The following F13A1 variants were observed in gnomAD, a reference collection of about 807,000 sequenced individuals.
F13A1 encodes the protein coagulation factor XIII A chain.
Under a neutral mutation model 80.1 loss-of-function variants are expected in F13A1, and 47 were observed. The ratio of observed to expected loss-of-function variants is 0.59; its 90% CI spans 0.46 to 0.75. The LOEUF is 0.75. F13A1 is among the 30% of genes least tolerant of loss of function. The pLI is 0.00. For synonymous variants in F13A1, 349 were observed against 344.9 expected (o/e 1.01, Z -0.13); for missense variants, 817 against 930.4 (o/e 0.88, Z 1.59).
At chr6:6,154,792 C>T (rs1012703365) in intron 13 of F13A1, among the ~76,000 whole-genome samples, 1 of 152,200 alleles carries the variant, frequency 6.6e-6, no homozygotes, top group African/African-American at 2.4e-5. Flanking sequence ...TCAAAAACAT[C>T]TTTGGATTTA....
intron 8 of F13A1, among the ~76,000 whole-genome samples, chr6:6,201,064 G>C (rs748716168): frequency 1.3e-5 from 2 of 152,106 alleles, no homozygotes; most frequent in Admixed American, 6.5e-5. Flanking sequence ...ACGACCCGAA[G>C]TGTTTAGTGA....
chr6:6,190,339 C>T (rs1385313762), intron 10 of F13A1, among the ~76,000 whole-genome samples: 1 of 152,134 alleles, frequency 6.6e-6, no homozygotes, highest in African/African-American at 2.4e-5. Flanking sequence ...TCTGTTTTTT[C>T]CCCATCCTTG....
At chr6:6,149,605 T>A (rs1760338072) in intron 14 of F13A1, among the ~76,000 whole-genome samples, 2 of 152,190 alleles carry the variant, frequency 1.3e-5, no homozygotes, top group Non-Finnish European at 2.9e-5. Flanking sequence ...AAGACAGCCA[T>A]CTGCAAGCTG....
intron 2 of F13A1, among the ~76,000 whole-genome samples, chr6:6,309,816 C>A (rs1005477830): frequency 1.3e-5 from 2 of 152,102 alleles, no homozygotes; most frequent in Non-Finnish European, 2.9e-5. Context: ...GTTTAGCCTG[C>A]ATGTAGGGGT....
intron 8 of F13A1, among the ~76,000 whole-genome samples, chr6:6,218,043 G>A (rs954627748): frequency 1.3e-5 from 2 of 152,160 alleles, no homozygotes; most frequent in African/African-American, 2.4e-5. Context: ...GTGGGTGGGT[G>A]CATTCCGGTG....
intron 4 of F13A1, among the ~76,000 whole-genome samples, chr6:6,264,511 A>G (rs1757818284): frequency 6.6e-6 from 1 of 152,174 alleles, no homozygotes; most frequent in African/African-American, 2.4e-5. Flanking sequence ...CTGGACTCCT[A>G]AATGATGGTG....
At position 6,176,874 on chromosome 6, in the gene F13A1, C is replaced by T. The variant is rs367658123; in HGVS notation, c.1460-2007G>A. Among the ~76,000 whole-genome samples the T allele has an allele frequency of 1.7e-4, 26 of 152,272 alleles. No homozygotes were observed. In the East Asian group the frequency reaches 4.8e-3, roughly 28 times the overall value. ...TGAATGGGAGAAGAAGCCTTGAAGC[C>T]AGCCACAAGCAACTTCACAGCCTGC... On this transcript the variant is annotated intron_variant, in intron 11 of 14. Coordinates refer to ENST00000264870, the MANE Select transcript of F13A1 (RefSeq NM_000129.4).
At chr6:6,165,078 GC>G (rs779393050) in intron 13 of F13A1, among the ~76,000 whole-genome samples, 1 of 152,176 alleles carries the variant, frequency 6.6e-6, no homozygotes, top group Non-Finnish European at 1.5e-5. Context: ...ATGGGATGAT[GC>G]CCCATTCCAC....
At chr6:6,285,870 G>A (rs1013852887) in intron 3 of F13A1, among the ~76,000 whole-genome samples, 10 of 152,230 alleles carry the variant, frequency 6.6e-5, no homozygotes, top group African/African-American at 2.2e-4. Context: ...AGTGGGCTCA[G>A]GCATGCGCAC....
At chr6:6,145,871 T>C in intron 14 of F13A1, 99 bp from the exon 15 acceptor site, 1 of 1,524,276 alleles carries the variant, frequency 6.6e-7, no homozygotes, top group Non-Finnish European at 9.0e-7. Flanking sequence ...GCTTTCTTTC[T>C]CTCAGTTGGT....
intron 13 of F13A1, among the ~76,000 whole-genome samples, chr6:6,165,116 G>A (rs545215307): frequency 7.2e-5 from 11 of 152,318 alleles, no homozygotes; most frequent in African/African-American, 2.4e-4. Context: ...GGCATGGACA[G>A]AAGCCAGAAT....
intron 6 of F13A1, among the ~76,000 whole-genome samples, chr6:6,232,039 A>C (rs189484118): frequency 7.9e-5 from 12 of 152,268 alleles, no homozygotes; most frequent in African/African-American, 2.4e-4. Flanking sequence ...AAAACAAAAA[A>C]CAAAAAAACC....
At chr6:6,198,076 C>G (rs982738851) in intron 8 of F13A1, among the ~76,000 whole-genome samples, 2 of 152,136 alleles carry the variant, frequency 1.3e-5, no homozygotes, top group African/African-American at 4.8e-5. Flanking sequence ...GCAAAAAATA[C>G]TTGTGTTTGT....
intron 6 of F13A1, among the ~76,000 whole-genome samples, chr6:6,246,058 C>T (rs566863095): frequency 6.6e-6 from 1 of 152,352 alleles, no homozygotes; most frequent in South Asian, 2.1e-4. Flanking sequence ...TAAGAGTCCA[C>T]AACTTCAGAA....
chr6:6,249,578 C>T (rs954164836), intron 5 of F13A1, among the ~76,000 whole-genome samples: 7 of 152,252 alleles, frequency 4.6e-5, no homozygotes, highest in East Asian at 3.9e-4. Flanking sequence ...GGCAAGCTGG[C>T]GAAGAGTGCC....
At position 6,182,133 on chromosome 6, in the gene F13A1, G is replaced by A. The variant is rs769538256; in HGVS notation, c.1314C>T (p.Ser438=). The A allele has an allele frequency of 6.2e-6, 10 of 1,613,906 alleles. No homozygotes were observed. The highest frequency in any genetic ancestry group is 1.6e-4 in the Middle Eastern group (1 of 6,084). Residue 438 remains serine, a synonymous_variant, in exon 11 of 15, where the codon AGC becomes AGT. Transcript: ENST00000264870. ...DAPFVFAEVN[S]DLIYITAKKD... ...TCTTAGCTGTAATGTAAATGAGGTC[G>A]CTGTTGACCTGGAAACAGGAGAGGA...
At chr6:6,168,244 A>G (rs139974168) in intron 12 of F13A1, among the ~76,000 whole-genome samples, 43 of 152,358 alleles carry the variant, frequency 2.8e-4, no homozygotes, top group African/African-American at 9.9e-4. Context: ...GTGCCAAACA[A>G]TTGTTTTCTC....
intron 10 of F13A1, among the ~76,000 whole-genome samples, chr6:6,194,662 ATTG>A (rs1254060720): frequency 3.9e-5 from 6 of 152,128 alleles, no homozygotes; most frequent in Admixed American, 2.0e-4. Flanking sequence ...CCTGACAAGT[ATTG>A]TTGTTATTTC....
chr6:6,309,237 C>T (rs900369956), intron 2 of F13A1, among the ~76,000 whole-genome samples: 7 of 150,858 alleles, frequency 4.6e-5, no homozygotes, highest in Non-Finnish European at 8.8e-5. Flanking sequence ...ACTAAGTAAA[C>T]GCACAGCAGT....
Sources: gnomAD v4.1 joint callset for allele counts (sites outside exome capture counted in the v4.1 genomes callset) on GRCh38, gnomAD v4.1.1 for gene constraint, MANE v1.5 for transcripts, NCBI Gene and HGNC (gene_info 2026-07-23, HGNC 2026-07-21) for gene names.